Variants in PCDHA3 observed in about 807,000 individuals in gnomAD.
PCDHA3 encodes the protein protocadherin alpha-3.
In PCDHA3, 41 loss-of-function variants were observed where a neutral mutation model predicts 62.2. The ratio of observed to expected loss-of-function variants is 0.66; its 90% CI spans 0.51 to 0.86. The LOEUF is 0.86. Among genes scored for constraint, PCDHA3 ranks in the 40% least tolerant of loss-of-function variants. PCDHA3 has a pLI of 0.00. For synonymous variants in PCDHA3, 640 were observed against 555.4 expected, an observed-to-expected ratio of 1.15 and a Z score of -2.14; for missense variants, 1,304 against 1,241.2, an observed-to-expected ratio of 1.05 and a Z score of -0.76.
rs2042039547 is a variant in PCDHA3 at position 140,851,365 on chromosome 5, CT to C, written c.2394+47775del. The C allele has an allele frequency of 3.1e-6, 3 of 976,302 alleles. 1 individual carries two copies. Among genetic ancestry groups the C allele is most frequent in the Non-Finnish European group, 3.7e-6 (3 of 804,962 alleles). The allele number at this position is 976,302 out of a possible 1,614,324, so 60.5% of individuals were successfully genotyped here. On this transcript the variant is annotated intron_variant, in intron 1 of 3. Transcript: ENST00000522353. Reference sequence around the variant, plus strand: ...TTCTCTGGATGGAGACTGTGAACATCTGATTGTTCAGCAACCTTCAGTATCT... The same window carrying C: ...TTCTCTGGATGGAGACTGTGAACATCGATTGTTCAGCAACCTTCAGTATCT...
At position 140,854,145 on chromosome 5, in the gene PCDHA3, G is replaced by T. The variant is rs1403834220; in HGVS notation, c.2394+50554G>T. ...CAACTGCATTTCAGCCCGGGTGACA[G>T]CAAGATTCTGTCTCAAAAAAAAAAA... On this transcript the variant is annotated intron_variant, in intron 1 of 3. Coordinates refer to ENST00000522353, the MANE Select transcript of PCDHA3 (RefSeq NM_018906.3). The T allele has an allele frequency of 1.6e-5, 7 of 435,310 alleles. 1 individual carries two copies. The highest frequency in any genetic ancestry group is 2.0e-5 in the Non-Finnish European group (7 of 352,084). The allele number at this position is 435,310 out of a possible 1,614,324, so 27.0% of individuals were successfully genotyped here.
rs543277248 is a variant in PCDHA3, at chr5:140,857,767, C to A, written c.2394+54176C>A. ...TGGCGTCTCCCGCTGGCAGCGCGGG[C>A]GGTGCAGTCAGTGAGCTGGTGCTGC... On this transcript the variant is annotated intron_variant, in intron 1 of 3. Coordinates refer to ENST00000522353, the MANE Select transcript of PCDHA3 (RefSeq NM_018906.3). 127 of 1,597,456 alleles carry A rather than the reference C, an allele frequency of 8.0e-5. 4 individuals are homozygous for A. The South Asian group carries it at 1.3e-3, about 16-fold the overall frequency.
chr5:140,937,292 C>T (rs575821972), intron 1 of PCDHA3, among the ~76,000 whole-genome samples: 2 of 152,238 alleles, frequency 1.3e-5, no homozygotes, highest in African/African-American at 4.8e-5. Context: ...CCGCTTCGGC[C>T]TCCCAAAGTG....
chr5:140,855,021 T>C (rs910000039), intron 1 of PCDHA3, among the ~76,000 whole-genome samples: 2 of 149,920 alleles, frequency 1.3e-5, no homozygotes, highest in African/African-American at 4.9e-5. Context: ...ATGAAACTTC[T>C]TGTATAAAGG....
At chr5:140,982,337 A>T in intron 2 of PCDHA3, 138 bp from the exon 3 acceptor site, 1 of 1,455,066 alleles carries the variant, frequency 6.9e-7, no homozygotes, top group Non-Finnish European at 9.1e-7. Flanking sequence ...CTCAGCAGTA[A>T]TTGCTTCAGT....
intron 1 of PCDHA3, among the ~76,000 whole-genome samples, chr5:140,888,153 G>A (rs2061714988): frequency 6.6e-6 from 1 of 152,056 alleles, no homozygotes; most frequent in African/African-American, 2.4e-5. Context: ...TTGCATGACT[G>A]GTAATCTCTA....
At chr5:140,964,425 A>C (rs1440321322) in intron 1 of PCDHA3, among the ~76,000 whole-genome samples, 1 of 152,178 alleles carries the variant, frequency 6.6e-6, no homozygotes, top group East Asian at 1.9e-4. Context: ...TCCATTAAAA[A>C]ATTACCAAGC....
rs965302343 is a variant in PCDHA3, at chr5:140,801,742, T to G, written c.545T>G (p.Val182Gly). Reference protein sequence around the residue: ...LDSTEYFTLDVKRNDEEIKSL... With the variant: ...LDSTEYFTLDGKRNDEEIKSL... ...TCCACTGAATATTTTACCTTGGACG[T>G]TAAAAGAAATGATGAGGAAATTAAA... The change falls in exon 1 of 4, where the codon GTT becomes GGT. Residue 182 changes from valine to glycine, a missense_variant. Coordinates refer to ENST00000522353, the MANE Select transcript of PCDHA3 (RefSeq NM_018906.3). 1 of 1,613,990 alleles carries G rather than the reference T, an allele frequency of 6.2e-7. No individual in the cohort carries two copies. The highest frequency in any genetic ancestry group is 8.5e-7 in the Non-Finnish European group (1 of 1,179,994).
chr5:140,802,286 T>TCC lies in PCDHA3; in HGVS notation c.1090_1091dup (p.Leu365HisfsTer8). On this transcript the variant is annotated frameshift_variant, in exon 1 of 4. Transcript: ENST00000522353. LOFTEE classifies it high-confidence loss of function. Reference sequence around the variant, plus strand: ...TATCTTTACCTGTATTAGAAGACTCTCCACTTAGCACAGTCATCGCTCTGA... The same window carrying TCC: ...TATCTTTACCTGTATTAGAAGACTCTCCCCACTTAGCACAGTCATCGCTCTGA... 1 of 1,614,250 alleles carries TCC rather than the reference T, an allele frequency of 6.2e-7. No individual in the cohort carries two copies. Among genetic ancestry groups the TCC allele is most frequent in the Middle Eastern group, 1.6e-4 (1 of 6,062 alleles).
intron 1 of PCDHA3, chr5:140,810,885 C>T (rs1282140445): frequency 2.6e-5 from 4 of 152,064 alleles, no homozygotes; most frequent in African/African-American, 9.7e-5. Flanking sequence ...GATCCTATTT[C>T]ACAAAGATAA....
At chr5:140,957,134 T>C (rs2095335911) in intron 1 of PCDHA3, among the ~76,000 whole-genome samples, 1 of 152,210 alleles carries the variant, frequency 6.6e-6, no homozygotes, top group Admixed American at 6.5e-5. Flanking sequence ...TACTACACTA[T>C]GAACTAAAAA....
chr5:140,967,676 G>A (rs1334899934), intron 1 of PCDHA3: 3 of 1,614,104 alleles, frequency 1.9e-6, no homozygotes, highest in African/African-American at 2.7e-5. Context: ...GTCGGACCGG[G>A]AGAGGCAGCT....
intron 1 of PCDHA3, chr5:140,864,013 A>T: frequency 6.5e-6 from 1 of 153,164 alleles, no homozygotes; most frequent in South Asian, 2.1e-4. Flanking sequence ...AAAAAAAAGT[A>T]CATTGGAAGT....
At chr5:140,869,188 G>A (rs200563745) in intron 1 of PCDHA3, 5 of 1,613,828 alleles carry the variant, frequency 3.1e-6, no homozygotes, top group African/African-American at 2.7e-5. Context: ...GGTGGGGAGC[G>A]GCCAGCTCCA....
intron 3 of PCDHA3, among the ~76,000 whole-genome samples, chr5:140,995,674 AT>A (rs1240189428): frequency 1.3e-5 from 2 of 151,994 alleles, no homozygotes; most frequent in Non-Finnish European, 2.9e-5. Flanking sequence ...TAAATGCAGC[AT>A]TTTTTTTAAT....
chr5:140,824,073 A>G (rs1767987238), intron 1 of PCDHA3: 1 of 1,614,196 alleles, frequency 6.2e-7, no homozygotes, highest in Middle Eastern at 1.6e-4. Flanking sequence ...CACCCAAAAC[A>G]GACCTCATGG....
At chr5:140,868,895 G>C in intron 1 of PCDHA3, 2 of 777,188 alleles carry the variant, frequency 2.6e-6, no homozygotes, top group Non-Finnish European at 4.0e-6. Flanking sequence ...TAGGCGCAAG[G>C]TGTCGCTCTT....
In PCDHA3 at chr5:140,843,133, C is replaced by T. The variant is rs2150353566; in HGVS notation, c.2394+39542C>T. The T allele has an allele frequency of 2.5e-6, 4 of 1,595,974 alleles. 1 individual carries two copies. The highest frequency in any genetic ancestry group is 3.4e-6 in the Non-Finnish European group (4 of 1,165,590). ...CAGTGGACGCCGACTCGGGCTACAA[C>T]GCGTGGCTTTCGTATGAGCTGCAGC... On this transcript the variant is annotated intron_variant, in intron 1 of 3. Transcript: ENST00000522353.
At chr5:140,900,199 G>C (rs1383731759) in intron 1 of PCDHA3, among the ~76,000 whole-genome samples, 1 of 152,172 alleles carries the variant, frequency 6.6e-6, no homozygotes, top group Non-Finnish European at 1.5e-5. Context: ...ATGACATCCA[G>C]TTTCATCCAG....
Sources: allele counts gnomAD v4.1 joint callset (sites outside exome capture counted in the v4.1 genomes callset), GRCh38; gene constraint gnomAD v4.1.1; transcripts MANE v1.5; gene names NCBI Gene and HGNC (gene_info 2026-07-23, HGNC 2026-07-21).